ERBB4: variants seen among roughly 807,000 people sequenced by gnomAD.
ERBB4 encodes the protein receptor tyrosine-protein kinase erbB-4.
ERBB4 carries 42 observed loss-of-function variants against 158.0 expected under a neutral mutation model. That is an observed-to-expected ratio of 0.27 (90% confidence interval 0.21 to 0.34). ERBB4 has a LOEUF of 0.34. Ranked by LOEUF, ERBB4 falls within the 10% of genes least tolerant of loss-of-function variation. The pLI is 1.00. For missense variants in ERBB4, 1,333 were observed against 1,624.1 expected, an observed-to-expected ratio of 0.82 and a Z score of 3.08; for synonymous variants, 583 against 558.7, an observed-to-expected ratio of 1.04 and a Z score of -0.61.
intron 2 of ERBB4, among the ~76,000 whole-genome samples, chr2:212,003,923 A>G (rs1331823481): frequency 1.3e-5 from 2 of 152,174 alleles, no homozygotes; most frequent in African/African-American, 2.4e-5. Flanking sequence ...AAGTCTCTAT[A>G]TCCTAGTGTC....
chr2:212,202,535 C>A (rs995585643), intron 1 of ERBB4, among the ~76,000 whole-genome samples: 1 of 151,732 alleles, frequency 6.6e-6, no homozygotes, highest in Non-Finnish European at 1.5e-5. Context: ...AGACAGGGGT[C>A]TCGCCATGTT....
At chr2:211,888,258 G>C (rs1202655283) in intron 3 of ERBB4, among the ~76,000 whole-genome samples, 2 of 152,136 alleles carry the variant, frequency 1.3e-5, no homozygotes, top group Non-Finnish European at 2.9e-5. Flanking sequence ...ACAGGCTTCT[G>C]AGATTTCATA....
chr2:212,457,032 G>A (rs1280478279), intron 1 of ERBB4, among the ~76,000 whole-genome samples: 3 of 151,846 alleles, frequency 2.0e-5, no homozygotes, highest in Admixed American at 6.6e-5. Flanking sequence ...TTTTTTCACA[G>A]AAATGTGTAA....
chr2:212,274,630 T>G (rs1055886192), intron 1 of ERBB4, among the ~76,000 whole-genome samples: 1 of 151,876 alleles, frequency 6.6e-6, no homozygotes, highest in Non-Finnish European at 1.5e-5. Flanking sequence ...AATGGCACCA[T>G]GTATGGTCTG....
At chr2:211,926,712 C>G (rs1041800599) in intron 3 of ERBB4, among the ~76,000 whole-genome samples, 1 of 152,098 alleles carries the variant, frequency 6.6e-6, no homozygotes, top group Non-Finnish European at 1.5e-5. Flanking sequence ...CTATACTTCT[C>G]TATTTTGAAA....
chr2:211,758,835 T>A (rs914901527), intron 4 of ERBB4, among the ~76,000 whole-genome samples: 3 of 152,224 alleles, frequency 2.0e-5, no homozygotes, highest in African/African-American at 7.2e-5. Context: ...GTTCTAAGCA[T>A]TTTGGATATA....
intron 25 of ERBB4, among the ~76,000 whole-genome samples, chr2:211,393,231 G>C (rs1353635866): frequency 6.6e-6 from 1 of 152,108 alleles, no homozygotes. Context: ...GAAATAGAAA[G>C]AGAAACTAAT....
intron 2 of ERBB4, among the ~76,000 whole-genome samples, chr2:212,098,605 G>T (rs4471839): frequency 0.15 from 22,068 of 152,066 alleles, 3,328 homozygotes; most frequent in African/African-American, 0.39. Context: ...GTCCCTTGGG[G>T]CATGCTTTAT....
intron 5 of ERBB4, among the ~76,000 whole-genome samples, chr2:211,734,755 C>A (rs2074546869): frequency 6.6e-6 from 1 of 150,912 alleles, no homozygotes; most frequent in Non-Finnish European, 1.5e-5. Flanking sequence ...CCCATCTCTA[C>A]TGAAAATACA....
At chr2:212,368,774 G>A (rs551719007) in intron 1 of ERBB4, among the ~76,000 whole-genome samples, 1 of 151,974 alleles carries the variant, frequency 6.6e-6, no homozygotes, top group South Asian at 2.1e-4. Flanking sequence ...ACTATTCTTG[G>A]TAATCATAAC....
intron 17 of ERBB4, among the ~76,000 whole-genome samples, chr2:211,628,476 A>C (rs1461027182): frequency 6.6e-6 from 1 of 152,174 alleles, no homozygotes; most frequent in South Asian, 2.1e-4. Flanking sequence ...AGCTTCATCC[A>C]TGTCCCTACA....
intron 1 of ERBB4, among the ~76,000 whole-genome samples, chr2:212,367,244 T>G (rs2089922906): frequency 6.6e-6 from 1 of 152,042 alleles, no homozygotes; most frequent in African/African-American, 2.4e-5. Flanking sequence ...AAAATACATT[T>G]CTGTTGTTTA....
At chr2:212,444,901 T>C (rs2092319217) in intron 1 of ERBB4, among the ~76,000 whole-genome samples, 1 of 151,902 alleles carries the variant, frequency 6.6e-6, no homozygotes, top group Non-Finnish European at 1.5e-5. Context: ...TTGTCCTCAC[T>C]GGAATAGACA....
chr2:212,373,394 A>C (rs542445030), intron 1 of ERBB4, among the ~76,000 whole-genome samples: 1 of 152,202 alleles, frequency 6.6e-6, no homozygotes, highest in Non-Finnish European at 1.5e-5. Flanking sequence ...GACTATTTTT[A>C]GGAGCCATTT....
intron 3 of ERBB4, among the ~76,000 whole-genome samples, chr2:211,834,723 A>G (rs2077302583): frequency 6.6e-6 from 1 of 152,126 alleles, no homozygotes. Flanking sequence ...AGATATCAAT[A>G]CAATTTGTTG....
intron 1 of ERBB4, among the ~76,000 whole-genome samples, chr2:212,195,337 A>C (rs147124662): frequency 0.011 from 1,720 of 152,186 alleles, 23 homozygotes; most frequent in South Asian, 0.019. Flanking sequence ...TTTCTAAGAA[A>C]ATCAAACAAA....
intron 1 of ERBB4, among the ~76,000 whole-genome samples, chr2:212,408,785 G>A (rs1159114827): frequency 1.3e-5 from 2 of 152,170 alleles, no homozygotes; most frequent in African/African-American, 4.8e-5. Flanking sequence ...CCAGTATGCA[G>A]CACAGATTGG....
At chr2:212,482,320 ACTT>A (rs2106164191) in intron 1 of ERBB4, among the ~76,000 whole-genome samples, 1 of 152,330 alleles carries the variant, frequency 6.6e-6, no homozygotes, top group South Asian at 2.1e-4. Flanking sequence ...GAAATAGAAT[ACTT>A]CTTCAGCTAC....
intron 1 of ERBB4, among the ~76,000 whole-genome samples, chr2:212,212,270 T>C (rs183364486): frequency 5.3e-5 from 8 of 151,880 alleles, no homozygotes; most frequent in African/African-American, 1.9e-4. Context: ...TGGCATGAGA[T>C]AGACAAGCAA....
Sources: allele counts gnomAD v4.1 joint callset (sites outside exome capture counted in the v4.1 genomes callset), GRCh38; gene constraint gnomAD v4.1.1; transcripts MANE v1.5; gene names NCBI Gene and HGNC (gene_info 2026-07-23, HGNC 2026-07-21).